MAP2: variants seen among roughly 807,000 people sequenced by gnomAD.
MAP2 encodes the protein microtubule-associated protein 2.
MAP2 carries 14 observed loss-of-function variants against 137.6 expected under a neutral mutation model. The observed-to-expected ratio is 0.10, with a 90% CI of 0.07 to 0.16. MAP2 has a LOEUF of 0.16. MAP2 is among the 10% of genes least tolerant of loss of function. The probability of loss-of-function intolerance (pLI) is 1.00; values close to 1 mark genes in which losing one functional copy is unlikely to be tolerated. For missense variants in MAP2, 2,088 were observed against 2,191.5 expected (o/e 0.95, Z 0.94); for synonymous variants, 786 against 782.3 (o/e 1.00, Z -0.08).
intron 2 of MAP2, among the ~76,000 whole-genome samples, chr2:209,557,932 C>T (rs1261373726): frequency 6.6e-6 from 1 of 152,190 alleles, no homozygotes; most frequent in Non-Finnish European, 1.5e-5. Flanking sequence ...TGCCTTTCTC[C>T]ACCACTGTAT....
intron 4 of MAP2, among the ~76,000 whole-genome samples, chr2:209,627,421 C>T (rs899056647): frequency 6.6e-6 from 1 of 152,000 alleles, no homozygotes; most frequent in Non-Finnish European, 1.5e-5. Context: ...AGAAGACTAA[C>T]CTTTTTGGGC....
rs924289245 is a variant in MAP2, at chr2:209,519,799, T to C, written c.-172+12158T>C. Among the ~76,000 whole-genome samples, 7 of 140,252 alleles carry C rather than the reference T, an allele frequency of 5.0e-5. No individual in the cohort carries two copies. The Middle Eastern group carries it at 0.011, about 215-fold the overall frequency. 92.0% of individuals were successfully genotyped at this position (140,252 alleles called of 152,430 possible). On this transcript the variant is annotated intron_variant, in intron 2 of 15. Coordinates refer to ENST00000682079, the MANE Select transcript of MAP2 (RefSeq NM_001375505.1). ...TTACCTGAGTATATTGTCAGTATAT[T>C]CTAAAACAAATAACAAATAGGCCTT...
At chr2:209,700,452 A>G in intron 11 of MAP2, 114 bp downstream of exon 11, 1 of 818,900 alleles carries the variant, frequency 1.2e-6, no homozygotes, top group East Asian at 2.6e-5. Flanking sequence ...GTCACTTTAA[A>G]TAGTTCGCTC....
chr2:209,567,248 T>C (rs1342476957), intron 2 of MAP2, among the ~76,000 whole-genome samples: 2 of 152,092 alleles, frequency 1.3e-5, no homozygotes, highest in Non-Finnish European at 2.9e-5. Flanking sequence ...CTACCAGATA[T>C]TAGAGAAAGT....
intron 2 of MAP2, among the ~76,000 whole-genome samples, chr2:209,519,605 T>A (rs997856668): frequency 2.1e-4 from 32 of 151,940 alleles, no homozygotes; most frequent in African/African-American, 7.0e-4. Context: ...TTACATAAAT[T>A]CTCAAAGAAC....
rs114529553 is a variant in MAP2 at position 209,726,903 on chromosome 2, G to A, written c.5155+1113G>A. Among the ~76,000 whole-genome samples the A allele has an allele frequency of 5.4e-3, 829 of 152,254 alleles. 6 individuals carry two copies. The highest frequency in any genetic ancestry group is 0.019 in the African/African-American group (808 of 41,544). ...AAATGGTTTTAACTGTCTGTGTTTGGCATCTTAACATGAAAACAAAGTAAT... is the reference window on the plus strand; with the variant it reads ...AAATGGTTTTAACTGTCTGTGTTTGACATCTTAACATGAAAACAAAGTAAT... On this transcript the variant is annotated intron_variant, in intron 14 of 15. Coordinates refer to ENST00000682079, the MANE Select transcript of MAP2 (RefSeq NM_001375505.1).
At chr2:209,702,721 T>C (rs2062122675) in intron 11 of MAP2, among the ~76,000 whole-genome samples, 1 of 152,038 alleles carries the variant, frequency 6.6e-6, no homozygotes, top group Admixed American at 6.6e-5. Flanking sequence ...TGAAATTCAC[T>C]CTTTTGTGGG....
chr2:209,714,915 CTTACCTTTCAT>C (rs1227258047), intron 13 of MAP2, among the ~76,000 whole-genome samples: 1 of 152,072 alleles, frequency 6.6e-6, no homozygotes, highest in Non-Finnish European at 1.5e-5. Context: ...CTTTGTTTGC[CTTACCTTTCAT>C]TTCATAACAT....
At chr2:209,537,777 T>C (rs1162537090) in intron 2 of MAP2, among the ~76,000 whole-genome samples, 2 of 152,232 alleles carry the variant, frequency 1.3e-5, no homozygotes, top group Non-Finnish European at 2.9e-5. Flanking sequence ...TTCTTGTAAT[T>C]ATTTCCTTAA....
chr2:209,442,600 C>T (rs1412780092), intron 1 of MAP2, among the ~76,000 whole-genome samples: 1 of 151,526 alleles, frequency 6.6e-6, no homozygotes, highest in Admixed American at 6.6e-5. Flanking sequence ...TGATCTTTTC[C>T]ATTGTCCGAT....
At chr2:209,476,849 A>T (rs1348325183) in intron 1 of MAP2, among the ~76,000 whole-genome samples, 2 of 152,176 alleles carry the variant, frequency 1.3e-5, no homozygotes, top group Non-Finnish European at 2.9e-5. Flanking sequence ...GAGAAAAGTG[A>T]GCTCTTTGGA....
chr2:209,464,753 C>T (rs543936926), intron 1 of MAP2, among the ~76,000 whole-genome samples: 1 of 151,898 alleles, frequency 6.6e-6, no homozygotes, highest in East Asian at 1.9e-4. Flanking sequence ...GTTATAAGGT[C>T]ATTAAAGACA....
chr2:209,554,538 A>C (rs2070028913), intron 2 of MAP2, among the ~76,000 whole-genome samples: 3 of 152,144 alleles, frequency 2.0e-5, no homozygotes, highest in Admixed American at 6.5e-5. Context: ...CTGTAATCCT[A>C]GTACTTTGGG....
At chr2:209,589,722 G>A (rs1333285154) in intron 3 of MAP2, among the ~76,000 whole-genome samples, 1 of 152,114 alleles carries the variant, frequency 6.6e-6, no homozygotes, top group African/African-American at 2.4e-5. Context: ...TTTGAAAGAA[G>A]GATAAATTAA....
intron 5 of MAP2, among the ~76,000 whole-genome samples, chr2:209,676,487 G>C (rs775805087): frequency 1.3e-5 from 2 of 151,512 alleles, no homozygotes; most frequent in Non-Finnish European, 3.0e-5. Context: ...AAGCCCCCAT[G>C]ACACAAGTTT....
intron 1 of MAP2, among the ~76,000 whole-genome samples, chr2:209,449,326 C>T (rs549542727): frequency 1.3e-5 from 2 of 152,126 alleles, no homozygotes; most frequent in Non-Finnish European, 2.9e-5. Flanking sequence ...AGGGAAAGAA[C>T]AAACTGTCAC....
chr2:209,543,325 A>G (rs2067387324), intron 2 of MAP2, among the ~76,000 whole-genome samples: 1 of 152,224 alleles, frequency 6.6e-6, no homozygotes, highest in Non-Finnish European at 1.5e-5. Context: ...ATCACTGATC[A>G]TAAATTGCCA....
Position 209,696,420 on chromosome 2 carries a change from C to G in MAP2, c.4180+70C>G, listed in dbSNP as rs1231436859. The G allele has an allele frequency of 2.0e-6, 3 of 1,487,194 alleles. No individual in the cohort carries two copies. The African/African-American group carries it at 4.3e-5, about 21-fold the overall frequency. The allele number at this position is 1,487,194 out of a possible 1,614,324, so 92.1% of individuals were successfully genotyped here. ...TTATGGGAATTTTTTTTCACTTAAA[C>G]ATTTTAAAATACCTCTTTATCTCTT... is the stretch of plus-strand genomic sequence containing the variant. On this transcript the variant is annotated intron_variant, in intron 8 of 15. Coordinates refer to ENST00000682079, the MANE Select transcript of MAP2 (RefSeq NM_001375505.1).
Position 209,692,787 on chromosome 2 carries a change from C to T in MAP2, c.617C>T (p.Thr206Ile), listed in dbSNP as rs1458614770. The T allele has an allele frequency of 2.5e-6, 4 of 1,613,876 alleles. No homozygotes were observed. The highest frequency in any genetic ancestry group is 1.7e-4 in the Middle Eastern group (1 of 6,058). Residue 206 changes from threonine to isoleucine, a missense_variant, in exon 8 of 16, where the codon ACT (threonine) becomes ATT (isoleucine). Physicochemically the swap from Thr to Ile is moderately conservative, Grantham distance 89 (BLOSUM62 -1). This residue lies in a region of MAP2 where 859 missense variants were observed against 794.5 expected (regional missense o/e 1.08). Transcript: ENST00000682079. ...GTTTCTCAGCCAGAGACAACTAAAA[C>T]TTACCCTGATAAAAAGGACATGCAA... ...ALVSQPETTK[T>I]YPDKKDMQGT...
Sources: gnomAD v4.1 joint callset for allele counts (sites outside exome capture counted in the v4.1 genomes callset) on GRCh38, gnomAD v4.1.1 for gene constraint, gnomAD v4.1.1 regional missense constraint, MANE v1.5 for transcripts, NCBI Gene and HGNC (gene_info 2026-07-23, HGNC 2026-07-21) for gene names.